The following TESK2 variants were observed in gnomAD, a reference collection of about 807,000 sequenced individuals.
TESK2 encodes the protein testis associated actin remodelling kinase 2.
In TESK2, 39 loss-of-function variants were observed where a neutral mutation model predicts 57.1. That is an observed-to-expected ratio of 0.68 (90% CI 0.53 to 0.89). TESK2 has a LOEUF of 0.89. Ranked by LOEUF, TESK2 falls within the 40% of genes least tolerant of loss-of-function variation. The pLI, the probability that TESK2 is intolerant of heterozygous loss-of-function variation, is 0.00. For missense variants in TESK2, 646 were observed against 732.1 expected, an observed-to-expected ratio of 0.88 and a Z score of 1.36; for synonymous variants, 249 against 267.9, an observed-to-expected ratio of 0.93 and a Z score of 0.69.
chr1:45,465,364 T>C (rs1017733236), intron 1 of TESK2, among the ~76,000 whole-genome samples: 1 of 148,604 alleles, frequency 6.7e-6, no homozygotes, highest in Non-Finnish European at 1.5e-5. Context: ...TGAGCTGAGA[T>C]GGCACCACTG....
In TESK2 at chr1:45,347,172, C is replaced by T. The variant is rs561197599; in HGVS notation, c.709-110G>A. The stretch of plus-strand genomic sequence containing the variant: ...ACCATCTAACAGCCCAGGCCTGGGC[C>T]ATATTGCCCATACTTCATCCCAGTC... On this transcript the variant is annotated intron_variant, in intron 7 of 10. Coordinates refer to ENST00000372086, the MANE Select transcript of TESK2 (RefSeq NM_007170.3). 3 of 852,782 alleles carry T rather than the reference C, an allele frequency of 3.5e-6. 1 individual carries two copies. Among genetic ancestry groups the T allele is most frequent in the South Asian group, 3.2e-5 (2 of 62,842 alleles). 52.8% of individuals were successfully genotyped at this position (852,782 alleles called of 1,614,324 possible). A position where few individuals can be genotyped will look rare whatever the true frequency, so the allele number is the denominator to read the frequency against.
At chr1:45,404,770 T>C (rs889747754) in intron 3 of TESK2, among the ~76,000 whole-genome samples, 2 of 152,034 alleles carry the variant, frequency 1.3e-5, no homozygotes, top group African/African-American at 4.8e-5. Context: ...CTCGAATACC[T>C]GAACTTAGGT....
chr1:45,485,376 A>G (rs1289639825), intron 1 of TESK2, among the ~76,000 whole-genome samples: 1 of 151,754 alleles, frequency 6.6e-6, no homozygotes, highest in Non-Finnish European at 1.5e-5. Flanking sequence ...TTTAGTAGAG[A>G]CGGGGTTTCA....
intron 3 of TESK2, among the ~76,000 whole-genome samples, chr1:45,387,203 T>A (rs904114239): frequency 6.6e-6 from 1 of 152,070 alleles, no homozygotes; most frequent in Non-Finnish European, 1.5e-5. Context: ...AAAGCCCCAA[T>A]TGGAAGTAAA....
At chr1:45,386,207 T>G (rs1231255902) in intron 3 of TESK2, among the ~76,000 whole-genome samples, 2 of 151,364 alleles carry the variant, frequency 1.3e-5, no homozygotes, top group African/African-American at 4.9e-5. Context: ...TAGGCAGGTG[T>G]GGTGGCATGC....
chr1:45,448,980 G>A (rs1037582635), intron 2 of TESK2, among the ~76,000 whole-genome samples: 21 of 151,980 alleles, frequency 1.4e-4, no homozygotes, highest in African/African-American at 4.3e-4. Context: ...ATCCTAGCAC[G>A]GTGGAAGGCT....
chr1:45,410,774 T>A (rs1449521915), intron 3 of TESK2, among the ~76,000 whole-genome samples: 1 of 148,918 alleles, frequency 6.7e-6, no homozygotes, highest in Non-Finnish European at 1.5e-5. Context: ...TATTTTTTAT[T>A]TTTTTTTTAA....
chr1:45,468,929 T>C (rs1329108264), intron 1 of TESK2, among the ~76,000 whole-genome samples: 1 of 152,218 alleles, frequency 6.6e-6, no homozygotes, highest in Non-Finnish European at 1.5e-5. Context: ...GGAAATAGCA[T>C]TTAGCAGTCT....
intron 3 of TESK2, among the ~76,000 whole-genome samples, chr1:45,412,147 T>C (rs1650059893): frequency 6.6e-6 from 1 of 152,234 alleles, no homozygotes; most frequent in South Asian, 2.1e-4. Flanking sequence ...AAATAATTTT[T>C]GACTCGATTT....
intron 4 of TESK2, among the ~76,000 whole-genome samples, chr1:45,355,901 C>T (rs1450355056): frequency 6.6e-6 from 1 of 151,982 alleles, no homozygotes; most frequent in East Asian, 1.9e-4. Context: ...TTCGATATGG[C>T]CAGAGTGCAT....
intron 2 of TESK2, among the ~76,000 whole-genome samples, chr1:45,428,816 ATTTT>A (rs71052876): frequency 9.7e-5 from 8 of 82,582 alleles, no homozygotes; most frequent in African/African-American, 2.1e-4. Context: ...TAAATTCCTG[ATTTT>A]TTTTTTTTTT....
At chr1:45,431,339 A>G (rs1219985636) in intron 2 of TESK2, among the ~76,000 whole-genome samples, 3 of 151,822 alleles carry the variant, frequency 2.0e-5, no homozygotes, top group Non-Finnish European at 4.4e-5. Context: ...AATCGCTTGA[A>G]CCCGGGAGAC....
At chr1:45,452,316 T>C (rs1325074594) in intron 2 of TESK2, among the ~76,000 whole-genome samples, 2 of 152,136 alleles carry the variant, frequency 1.3e-5, no homozygotes, top group Admixed American at 6.5e-5. Context: ...TGTTTTTCAC[T>C]GTGAAATGCA....
chr1:45,484,034 C>T (rs568181265), intron 1 of TESK2, among the ~76,000 whole-genome samples: 1 of 150,476 alleles, frequency 6.6e-6, no homozygotes, highest in African/African-American at 2.4e-5. Flanking sequence ...GATTTTCTAC[C>T]GCACAGGGGT....
chr1:45,377,640 A>G (rs1262519674), intron 4 of TESK2, among the ~76,000 whole-genome samples: 1 of 150,196 alleles, frequency 6.7e-6, no homozygotes, highest in Non-Finnish European at 1.5e-5. Context: ...GCTGGTCTCG[A>G]ACTCCTGACC....
intron 1 of TESK2, among the ~76,000 whole-genome samples, chr1:45,467,292 T>C (rs150506529): frequency 1.5e-3 from 225 of 152,316 alleles, no homozygotes; most frequent in Admixed American, 2.9e-3. Flanking sequence ...TTATTTATTA[T>C]ACTGTACTCT....
At chr1:45,374,110 G>C (rs1329747356) in intron 4 of TESK2, among the ~76,000 whole-genome samples, 1 of 152,202 alleles carries the variant, frequency 6.6e-6, no homozygotes, top group African/African-American at 2.4e-5. Flanking sequence ...TCCTTCTGCT[G>C]TCCTCATACT....
intron 3 of TESK2, among the ~76,000 whole-genome samples, chr1:45,396,539 AGT>A (rs1649366968): frequency 6.6e-6 from 1 of 151,686 alleles, no homozygotes; most frequent in Non-Finnish European, 1.5e-5. Flanking sequence ...CCCACGCTGG[AGT>A]GCAGTAGTGC....
At chr1:45,355,009 T>C (rs1647362087) in intron 5 of TESK2, among the ~76,000 whole-genome samples, 1 of 151,154 alleles carries the variant, frequency 6.6e-6, no homozygotes, top group Non-Finnish European at 1.5e-5. Flanking sequence ...TATGGCAAAA[T>C]TCTGCCTCTA....
Sources: gnomAD v4.1 joint callset for allele counts (sites outside exome capture counted in the v4.1 genomes callset) on GRCh38, gnomAD v4.1.1 for gene constraint, MANE v1.5 for transcripts, NCBI Gene and HGNC (gene_info 2026-07-23, HGNC 2026-07-21) for gene names.